MYLK: variants seen among roughly 807,000 people sequenced by gnomAD.
MYLK encodes myosin light chain kinase.
A neutral mutation model predicts 203.4 loss-of-function variants in MYLK; 106 were observed. The observed-to-expected ratio is 0.52, with a 90% confidence interval of 0.45 to 0.61. The LOEUF (loss-of-function observed/expected upper bound fraction) is 0.61. Among genes scored for constraint, MYLK ranks in the 20% least tolerant of loss-of-function variants. The pLI, the probability that MYLK is intolerant of heterozygous loss-of-function variation, is 0.00. For missense variants in MYLK, 2,072 were observed against 2,442.3 expected (o/e 0.85, Z 3.20); for synonymous variants, 867 against 959.5 (o/e 0.90, Z 1.78).
chr3:123,852,518 G>T (rs560834468), intron 2 of MYLK, among the ~76,000 whole-genome samples: 2 of 152,212 alleles, frequency 1.3e-5, no homozygotes, highest in African/African-American at 4.8e-5. Context: ...TATTTGTGTA[G>T]AGGTGTTTAT....
chr3:123,821,142 G>A (rs2065923707), intron 3 of MYLK, among the ~76,000 whole-genome samples: 1 of 152,104 alleles, frequency 6.6e-6, no homozygotes, highest in South Asian at 2.1e-4. Context: ...TATAACTAAT[G>A]ATTCTTTTAA....
intron 30 of MYLK, 123 bp from the exon 31 acceptor site, chr3:123,627,064 C>T (rs41271431): frequency 0.21 from 224,377 of 1,088,424 alleles, 26,313 homozygotes; most frequent in Non-Finnish European, 0.24. Context: ...CCCCTGCTCC[C>T]GGACCATCCA....
At position 123,746,791 on chromosome 3, in the gene MYLK, A is replaced by G. The variant is rs556374270; in HGVS notation, c.373+5540T>C. Among the ~76,000 whole-genome samples the G allele has an allele frequency of 3.7e-5, 4 of 109,336 alleles. No homozygotes were observed. In the East Asian group the frequency reaches 1.2e-3, roughly 33 times the overall value. 71.7% of individuals were successfully genotyped at this position (109,336 alleles called of 152,430 possible). ...AAGGACAAAAACTCAGAGCATTTTA[A>G]GATTCTGCCTAGATTTTAAAAAATA... On this transcript the variant is annotated intron_variant, in intron 5 of 33. Transcript: ENST00000360304.
chr3:123,695,065 C>T (rs1433936846), intron 18 of MYLK, among the ~76,000 whole-genome samples: 1 of 152,186 alleles, frequency 6.6e-6, no homozygotes, highest in East Asian at 1.9e-4. Context: ...GAAGCTCCCC[C>T]AGCTCTCTCC....
chr3:123,836,105 T>C (rs1167501512), intron 2 of MYLK, among the ~76,000 whole-genome samples: 2 of 152,234 alleles, frequency 1.3e-5, no homozygotes, highest in African/African-American at 4.8e-5. Context: ...TGGGTCTTCA[T>C]TCGAAGGCTC....
chr3:123,830,126 G>A (rs147296454), intron 3 of MYLK, among the ~76,000 whole-genome samples: 233 of 152,336 alleles, frequency 1.5e-3, no homozygotes, highest in African/African-American at 5.2e-3. Flanking sequence ...AGGCAGATGT[G>A]TCTTTAAAAT....
chr3:123,690,842 G>C (rs2060630843), intron 19 of MYLK, among the ~76,000 whole-genome samples: 1 of 152,032 alleles, frequency 6.6e-6, no homozygotes, highest in Non-Finnish European at 1.5e-5. Flanking sequence ...GCCTAACTCT[G>C]CATTTGAAGG....
At position 123,848,267 on chromosome 3, in the gene MYLK, C is replaced by T. The variant is rs1256346319; in HGVS notation, c.-126-16597G>A. ...GGGTCTTATTTTGAAAAAAAAAAAG[C>T]CTTACTAGGGTTTTATCTATATCAC... On this transcript the variant is annotated intron_variant, in intron 2 of 33. Coordinates refer to ENST00000360304, the MANE Select transcript of MYLK (RefSeq NM_053025.4). Among the ~76,000 whole-genome samples, 10 of 139,042 alleles carry T rather than the reference C, an allele frequency of 7.2e-5. No individual in the cohort carries two copies. In the South Asian group the frequency reaches 2.1e-3, roughly 29 times the overall value. 91.2% of individuals were successfully genotyped at this position (139,042 alleles called of 152,430 possible). A position where few individuals can be genotyped will look rare whatever the true frequency, so the allele number is the denominator to read the frequency against.
At chr3:123,837,907 CAAAG>C (rs973683709) in intron 2 of MYLK, among the ~76,000 whole-genome samples, 15 of 151,868 alleles carry the variant, frequency 9.9e-5, no homozygotes, top group South Asian at 2.1e-4. Context: ...AAAAAGAAAA[CAAAG>C]AATCTAAAAG....
In MYLK at chr3:123,642,812, G is replaced by A. The variant is rs889160297; in HGVS notation, c.4620-2308C>T. On this transcript the variant is annotated intron_variant, in intron 27 of 33. Transcript: ENST00000360304. This position sits in a 1 kb window ranked among gnomAD's most constrained non-coding sequence, Gnocchi z 4.2. ...GTCAACACAGGTAAAGTGCTTGGAA[G>A]TGTCTGGCACACAGTCAATGCTCAA... is the stretch of plus-strand genomic sequence containing the variant. Among the ~76,000 whole-genome samples the A allele has an allele frequency of 4.1e-4, 62 of 152,356 alleles. No homozygotes were observed. Among genetic ancestry groups the A allele is most frequent in the Middle Eastern group, 3.4e-3 (1 of 294 alleles).
chr3:123,679,727 A>C (rs1043704679), intron 20 of MYLK, among the ~76,000 whole-genome samples: 7 of 152,206 alleles, frequency 4.6e-5, no homozygotes, highest in Non-Finnish European at 8.8e-5. Flanking sequence ...GTAAAGATGA[A>C]GCACTTGCTA....
chr3:123,747,669 T>G (rs897771138), intron 5 of MYLK, among the ~76,000 whole-genome samples: 2 of 152,202 alleles, frequency 1.3e-5, no homozygotes, highest in African/African-American at 4.8e-5. Flanking sequence ...AATCAGCATC[T>G]GCATTTCAAC....
chr3:123,732,810 GGAGATGAACCATC>G, intron 11 of MYLK, 73 bp downstream of exon 11: 1 of 1,323,466 alleles, frequency 7.6e-7, no homozygotes, highest in Non-Finnish European at 1.1e-6. Context: ...GGGGGCTATA[GGAGATGAACCATC>G]TGCAGAAGGT....
intron 5 of MYLK, among the ~76,000 whole-genome samples, chr3:123,744,503 C>A (rs1327260235): frequency 6.6e-6 from 1 of 152,172 alleles, no homozygotes; most frequent in Non-Finnish European, 1.5e-5. Context: ...AGACAAGTTA[C>A]AGACCACTGA....
chr3:123,714,802 T>C (rs548284542), intron 13 of MYLK, among the ~76,000 whole-genome samples: 40 of 152,342 alleles, frequency 2.6e-4, no homozygotes, highest in African/African-American at 9.4e-4. Flanking sequence ...GACTCAGTCA[T>C]TAAACTGCCA....
chr3:123,864,169 A>G (rs2032149135), intron 2 of MYLK, among the ~76,000 whole-genome samples: 1 of 152,214 alleles, frequency 6.6e-6, no homozygotes. Context: ...TAAATATTAG[A>G]ATAATGGTTG....
chr3:123,813,056 G>T (rs1050238126), intron 3 of MYLK, among the ~76,000 whole-genome samples: 1 of 152,186 alleles, frequency 6.6e-6, no homozygotes, highest in Non-Finnish European at 1.5e-5. Flanking sequence ...GCCGATAGAA[G>T]AAAGGGCAGA....
chr3:123,707,763 A>T lies in MYLK; in HGVS notation c.2381T>A (p.Ile794Asn), dbSNP rs1365992021. The change falls in exon 16 of 34, where the codon ATC becomes AAC. Residue 794 changes from isoleucine to asparagine, a missense_variant. Ile to Asn is a moderately radical substitution (Grantham distance 149). Around this residue, in one of 3 missense-constraint regions of MYLK, gnomAD observed 865 missense variants for 1,016.0 expected, o/e 0.85. Coordinates refer to ENST00000360304, the MANE Select transcript of MYLK (RefSeq NM_053025.4). Reference sequence around the variant, plus strand: ...GGACATGCAGACTCACTTGAGCAGGATCTCATACTGGCCGGCATGCCAGGG... The same window carrying T: ...GGACATGCAGACTCACTTGAGCAGGTTCTCATACTGGCCGGCATGCCAGGG... ...VQPWHAGQYE[I>N]LLKNRVGECS... 3.1e-6 allele frequency: 5 copies of T among 1,614,194 alleles called. No homozygotes were observed. The highest frequency in any genetic ancestry group is 4.2e-6 in the Non-Finnish European group (5 of 1,180,040).
rs775802631 is a variant in MYLK, at chr3:123,649,197, G to C, written c.4289-3C>G. On this transcript the variant is annotated splice_polypyrimidine_tract_variant and splice_region_variant and intron_variant, in intron 24 of 33. Transcript: ENST00000360304. ...CACCTCCACTTCATCCTTCGGCTCTGGGGGGGGCACAAGGAAGGACAGAGA... is the reference window on the plus strand; with the variant it reads ...CACCTCCACTTCATCCTTCGGCTCTCGGGGGGGCACAAGGAAGGACAGAGA... 3.1e-6 allele frequency: 5 copies of C among 1,592,204 alleles called. No individual in the cohort carries two copies. The highest frequency in any genetic ancestry group is 1.4e-5 in the African/African-American group (1 of 71,164).
Sources: gnomAD v4.1 joint callset for allele counts (sites outside exome capture counted in the v4.1 genomes callset) on GRCh38, gnomAD v4.1.1 for gene constraint, gnomAD v4.1.1 regional missense constraint, Gnocchi (gnomAD v3.1) non-coding constraint, MANE v1.5 for transcripts, NCBI Gene and HGNC (gene_info 2026-07-23, HGNC 2026-07-21) for gene names.